GRIP1: variants seen among roughly 807,000 people sequenced by gnomAD.
The protein encoded by GRIP1 is glutamate receptor-interacting protein 1.
Under a neutral mutation model 129.9 loss-of-function variants are expected in GRIP1, and 45 were observed. The ratio of observed to expected loss-of-function variants is 0.35; its 90% confidence interval spans 0.27 to 0.44. The LOEUF is 0.44. Ranked by LOEUF, GRIP1 falls within the 20% of genes least tolerant of loss-of-function variation. GRIP1 has a pLI of 1.00. For synonymous variants in GRIP1, 530 were observed against 520.8 expected, an observed-to-expected ratio of 1.02 and a Z score of -0.24; for missense variants, 1,196 against 1,396.8, an observed-to-expected ratio of 0.86 and a Z score of 2.29.
intron 2 of GRIP1, among the ~76,000 whole-genome samples, chr12:66,577,772 A>G (rs2063192714): frequency 6.6e-6 from 1 of 152,140 alleles, no homozygotes; most frequent in Non-Finnish European, 1.5e-5. Flanking sequence ...CAACATGGCA[A>G]GATTGTGTAC....
intron 1 of GRIP1, among the ~76,000 whole-genome samples, chr12:66,743,865 C>A (rs1191330910): frequency 1.3e-5 from 2 of 152,120 alleles, no homozygotes; most frequent in Non-Finnish European, 2.9e-5. Context: ...ACCTTTCCTC[C>A]ATTACATATT....
intron 1 of GRIP1, among the ~76,000 whole-genome samples, chr12:66,712,940 A>G (rs1380722530): frequency 2.0e-5 from 3 of 151,974 alleles, no homozygotes; most frequent in Non-Finnish European, 4.4e-5. Context: ...CTATATTCCT[A>G]GGACTATATC....
intron 17 of GRIP1, among the ~76,000 whole-genome samples, chr12:66,393,884 A>T (rs1055280355): frequency 5.9e-5 from 9 of 152,186 alleles, no homozygotes; most frequent in Admixed American, 2.0e-4. Flanking sequence ...AAATTGGACA[A>T]GCTGTTCAAC....
intron 1 of GRIP1, among the ~76,000 whole-genome samples, chr12:66,647,603 G>A (rs906754301): frequency 6.6e-6 from 1 of 152,244 alleles, no homozygotes. Flanking sequence ...TGACAGAAGT[G>A]AAAAGAAAGG....
At chr12:66,906,803 A>G (rs2040941067) in intron 1 of GRIP1, among the ~76,000 whole-genome samples, 2 of 152,212 alleles carry the variant, frequency 1.3e-5, no homozygotes, top group African/African-American at 2.4e-5. Flanking sequence ...TTGTCTATAG[A>G]AAGCTCCTAG....
At chr12:66,630,240 C>T (rs538714608) in intron 1 of GRIP1, 2 of 152,132 alleles carry the variant, frequency 1.3e-5, no homozygotes, top group South Asian at 2.1e-4. Context: ...ATCCCAGGTA[C>T]TTAGGAGGCT....
At chr12:66,407,353 C>G (rs561422731) in intron 15 of GRIP1, 1 of 152,210 alleles carries the variant, frequency 6.6e-6, no homozygotes, top group Non-Finnish European at 1.5e-5. Flanking sequence ...ACTATCCATA[C>G]AGAAAAGCAC....
chr12:66,471,373 A>G (rs10784539), intron 7 of GRIP1, among the ~76,000 whole-genome samples: 88,175 of 151,992 alleles, frequency 0.58, 26,433 homozygotes, highest in Middle Eastern at 0.73. Flanking sequence ...ATTAGTAGTT[A>G]CCAGGGTTGC....
chr12:66,871,854 A>G (rs1566059557), intron 1 of GRIP1, among the ~76,000 whole-genome samples: 1 of 152,086 alleles, frequency 6.6e-6, no homozygotes, highest in Non-Finnish European at 1.5e-5. Context: ...CTTGACCTAT[A>G]TAAATTGGTA....
intron 7 of GRIP1, among the ~76,000 whole-genome samples, chr12:66,500,246 C>T (rs2060354588): frequency 6.6e-6 from 1 of 152,176 alleles, no homozygotes; most frequent in South Asian, 2.1e-4. Context: ...AGAACGGTCA[C>T]ACATCCAGTA....
chr12:66,824,256 G>C (rs73329298), intron 1 of GRIP1, among the ~76,000 whole-genome samples: 2,479 of 152,236 alleles, frequency 0.016, 68 homozygotes, highest in African/African-American at 0.055. Context: ...TCAAGGTGGA[G>C]TGCAAAGAAG....
chr12:66,804,224 A>T (rs962697635), upstream of GRIP1: 1 of 436,164 alleles, frequency 2.3e-6, no homozygotes, highest in Admixed American at 2.4e-5. Flanking sequence ...CTAGCACAAG[A>T]GCACAGCAAC....
At chr12:66,486,852 A>G (rs991313680) in intron 7 of GRIP1, among the ~76,000 whole-genome samples, 3 of 151,774 alleles carry the variant, frequency 2.0e-5, no homozygotes, top group East Asian at 3.9e-4. Flanking sequence ...GTGCAGTGGT[A>G]TGATCATAGC....
intron 1 of GRIP1, among the ~76,000 whole-genome samples, chr12:66,650,516 G>C (rs1181348208): frequency 6.6e-6 from 1 of 152,138 alleles, no homozygotes; most frequent in Admixed American, 6.5e-5. Context: ...GAGTTGCATA[G>C]CTTTCTGGTA....
intron 1 of GRIP1, among the ~76,000 whole-genome samples, chr12:67,016,751 G>T (rs1171501443): frequency 3.3e-5 from 5 of 152,180 alleles, no homozygotes. Flanking sequence ...TCTTGTATCT[G>T]TAGAAGTATT....
intron 9 of GRIP1, among the ~76,000 whole-genome samples, chr12:66,457,664 G>A (rs952562): frequency 0.4 from 60,432 of 151,986 alleles, 13,080 homozygotes; most frequent in African/African-American, 0.55. Flanking sequence ...AAGGACAGTC[G>A]TTTAGATAAG....
chr12:66,652,945 A>G (rs866901005), intron 1 of GRIP1, among the ~76,000 whole-genome samples: 1 of 152,240 alleles, frequency 6.6e-6, no homozygotes, highest in African/African-American at 2.4e-5. Flanking sequence ...TAAGAATGCC[A>G]GTTGCTTTAC....
At chr12:67,028,682 G>A (rs550814173) in intron 1 of GRIP1, among the ~76,000 whole-genome samples, 120 of 151,908 alleles carry the variant, frequency 7.9e-4, no homozygotes, top group Non-Finnish European at 1.0e-3. Flanking sequence ...TATGTTTTTC[G>A]TGGCAATGAT....
intron 22 of GRIP1, among the ~76,000 whole-genome samples, chr12:66,373,439 C>T (rs2055628522): frequency 6.6e-6 from 1 of 152,280 alleles, no homozygotes; most frequent in South Asian, 2.1e-4. Flanking sequence ...GGCTGACTCA[C>T]CCAAGGTCAC....
Sources: gnomAD v4.1 joint callset for allele counts (sites outside exome capture counted in the v4.1 genomes callset) on GRCh38, gnomAD v4.1.1 for gene constraint, MANE v1.5 for transcripts, NCBI Gene and HGNC (gene_info 2026-07-23, HGNC 2026-07-21) for gene names.